Variants in WDR72 observed in about 807,000 individuals in gnomAD.
WDR72 encodes the protein WD repeat-containing protein 72.
WDR72 carries 120 observed loss-of-function variants against 124.2 expected under a neutral mutation model. The ratio of observed to expected loss-of-function variants is 0.97; its 90% CI spans 0.83 to 1.12. The LOEUF (loss-of-function observed/expected upper bound fraction) is 1.12, where lower values mean the gene tolerates loss of function less well. Ranked by LOEUF, WDR72 falls within the 50% of genes most tolerant of loss-of-function variation. The probability of loss-of-function intolerance (pLI) is 0.00; values close to 1 mark genes in which losing one functional copy is unlikely to be tolerated. For missense variants in WDR72, 1,387 were observed against 1,278.8 expected (o/e 1.08, Z -1.29); for synonymous variants, 452 against 441.7 (o/e 1.02, Z -0.29).
At chr15:53,683,939 C>A (rs1336964569) in intron 13 of WDR72, among the ~76,000 whole-genome samples, 1 of 152,164 alleles carries the variant, frequency 6.6e-6, no homozygotes, top group African/African-American at 2.4e-5. Context: ...ACACCATGAA[C>A]CCCATCAACA....
At chr15:53,735,427 G>C (rs965669772) in intron 1 of WDR72, among the ~76,000 whole-genome samples, 4 of 152,190 alleles carry the variant, frequency 2.6e-5, no homozygotes, top group Admixed American at 6.5e-5. Context: ...ACAGGGAACA[G>C]TGACATTACA....
intron 18 of WDR72, among the ~76,000 whole-genome samples, chr15:53,558,274 C>T (rs1894001206): frequency 6.6e-6 from 1 of 152,030 alleles, no homozygotes; most frequent in Non-Finnish European, 1.5e-5. Flanking sequence ...TTATCCATGA[C>T]ATCTTTAATT....
At chr15:53,733,479 G>A (rs1595880933) in intron 1 of WDR72, among the ~76,000 whole-genome samples, 1 of 152,092 alleles carries the variant, frequency 6.6e-6, no homozygotes, top group African/African-American at 2.4e-5. Context: ...GCAAAGTCCT[G>A]CTGGGCCTCT....
At chr15:53,737,399 A>C (rs2018387865) in intron 1 of WDR72, among the ~76,000 whole-genome samples, 1 of 152,216 alleles carries the variant, frequency 6.6e-6, no homozygotes, top group Non-Finnish European at 1.5e-5. Flanking sequence ...ATCAATTAGA[A>C]TATATCCTAC....
chr15:53,742,914 C>A (rs1428179464), intron 1 of WDR72, among the ~76,000 whole-genome samples: 1 of 152,146 alleles, frequency 6.6e-6, no homozygotes, highest in African/African-American at 2.4e-5. Flanking sequence ...ATCAATACAG[C>A]TATGGAAATA....
intron 2 of WDR72, among the ~76,000 whole-genome samples, chr15:53,725,907 T>G (rs1024994350): frequency 2.0e-5 from 3 of 151,916 alleles, no homozygotes; most frequent in Admixed American, 6.6e-5. Flanking sequence ...ACCTCGTATC[T>G]ATTAAAAATA....
At chr15:53,706,131 C>T (rs2017347974) in intron 9 of WDR72, 57 bp from the exon 10 acceptor site, 5 of 1,575,934 alleles carry the variant, frequency 3.2e-6, no homozygotes, top group Non-Finnish European at 4.3e-6. Context: ...GAGATGGCCA[C>T]TGTTTTTAAA....
intron 13 of WDR72, among the ~76,000 whole-genome samples, chr15:53,667,949 G>C (rs1449043245): frequency 6.6e-6 from 1 of 152,074 alleles, no homozygotes; most frequent in Non-Finnish European, 1.5e-5. Flanking sequence ...TTCATACACA[G>C]ATAATTAATC....
chr15:53,523,143 T>C (rs1039479586), intron 19 of WDR72, 75 bp downstream of exon 19: 56 of 1,374,678 alleles, frequency 4.1e-5, no homozygotes, highest in Non-Finnish European at 5.6e-5. Flanking sequence ...TCCTCTCCCC[T>C]CACCCCCTTC....
intron 14 of WDR72, among the ~76,000 whole-genome samples, chr15:53,619,212 C>T (rs1178277135): frequency 6.6e-6 from 1 of 151,274 alleles, no homozygotes; most frequent in East Asian, 1.9e-4. Context: ...GTGGATATGG[C>T]TCTGCTTTTT....
chr15:53,584,985 C>T (rs1026633278), intron 18 of WDR72, among the ~76,000 whole-genome samples: 5 of 151,926 alleles, frequency 3.3e-5, no homozygotes, highest in African/African-American at 4.8e-5. Context: ...AGCAGGGTTG[C>T]GTAAATTGTG....
At chr15:53,760,637 A>G (rs2019044685), upstream of WDR72, among the ~76,000 whole-genome samples, 1 of 152,192 alleles carries the variant, frequency 6.6e-6, no homozygotes. Context: ...GTGCTGCAAT[A>G]AACACAGGAG....
At chr15:53,521,056 G>C (rs1028807548) in intron 19 of WDR72, among the ~76,000 whole-genome samples, 1 of 152,102 alleles carries the variant, frequency 6.6e-6, no homozygotes, top group African/African-American at 2.4e-5. Context: ...AGAGCTGGAA[G>C]GCTGACAGCT....
chr15:53,589,687 A>G lies in WDR72; in HGVS notation c.3148+7392T>C, dbSNP rs138537527. On this transcript the variant is annotated intron_variant, in intron 18 of 19. Coordinates refer to ENST00000360509, the MANE Select transcript of WDR72 (RefSeq NM_182758.4). Reference sequence around the variant, plus strand: ...GTGGTGCCTGCACGACTGTTACCAAAGAAATATTTAACTCAATTCCTCGAT... The same window carrying G: ...GTGGTGCCTGCACGACTGTTACCAAGGAAATATTTAACTCAATTCCTCGAT... Among the ~76,000 whole-genome samples, 496 of 152,180 alleles carry G rather than the reference A, an allele frequency of 3.3e-3. 3 individuals are homozygous for G. Among genetic ancestry groups the G allele is most frequent in the African/African-American group, 0.011 (444 of 41,558 alleles).
intron 18 of WDR72, among the ~76,000 whole-genome samples, chr15:53,552,084 T>C (rs952034489): frequency 1.3e-5 from 2 of 152,036 alleles, no homozygotes; most frequent in African/African-American, 4.8e-5. Context: ...CACCTGACAC[T>C]GACATTTTTA....
intron 18 of WDR72, among the ~76,000 whole-genome samples, chr15:53,582,645 CAAGTT>C (rs1231622483): frequency 1.3e-5 from 2 of 151,862 alleles, no homozygotes; most frequent in African/African-American, 4.8e-5. Context: ...ATTTAATGGT[CAAGTT>C]AAGATACATT....
rs369568228 is a variant in WDR72 at position 53,701,559 on chromosome 15, T to TCTCTCTCTCTCACA, written c.1569+574_1569+575insTGTGAGAGAGAGAG. 4.5e-3 allele frequency among the ~76,000 whole-genome samples: 541 copies of TCTCTCTCTCTCACA among 120,158 alleles called. 1 individual carries two copies. The highest frequency in any genetic ancestry group is 7.0e-3 in the East Asian group (24 of 3,450). The allele number at this position is 120,158 out of a possible 152,430, so 78.8% of individuals were successfully genotyped here. ...CTGTCTCTCTCTCTCTCTCTCTCTC[T>TCTCTCTCTCTCACA]CACACACACACACACACACACACAC... On this transcript the variant is annotated intron_variant, in intron 12 of 19. Transcript: ENST00000360509.
At chr15:53,586,219 C>T (rs1381930101) in intron 18 of WDR72, among the ~76,000 whole-genome samples, 1 of 151,990 alleles carries the variant, frequency 6.6e-6, no homozygotes, top group Non-Finnish European at 1.5e-5. Flanking sequence ...TGGTTATTGC[C>T]TATTCTGGTC....
At chr15:53,627,874 C>A (rs570058339) in intron 14 of WDR72, among the ~76,000 whole-genome samples, 29 of 152,162 alleles carry the variant, frequency 1.9e-4, no homozygotes, top group African/African-American at 6.7e-4. Flanking sequence ...TGTTTAATTT[C>A]ATTTTTAAGT....
Sources: allele counts gnomAD v4.1 joint callset (sites outside exome capture counted in the v4.1 genomes callset), GRCh38; gene constraint gnomAD v4.1.1; transcripts MANE v1.5; gene names NCBI Gene and HGNC (gene_info 2026-07-23, HGNC 2026-07-21).